MRPS28: variants seen among roughly 807,000 people sequenced by gnomAD.
The protein encoded by MRPS28 is mitochondrial ribosomal protein S28.
A neutral mutation model predicts 10.8 loss-of-function variants in MRPS28; 7 were observed. The ratio of observed to expected loss-of-function variants is 0.65; its 90% confidence interval spans 0.37 to 1.22. The LOEUF (loss-of-function observed/expected upper bound fraction) is 1.22, where lower values mean the gene tolerates loss of function less well. Ranked by LOEUF, MRPS28 falls within the 50% of genes most tolerant of loss-of-function variation. The probability of loss-of-function intolerance (pLI) is 0.02; values close to 1 mark genes in which losing one functional copy is unlikely to be tolerated. For missense variants in MRPS28, 265 were observed against 232.9 expected (o/e 1.14, Z -0.90); for synonymous variants, 121 against 93.3 (o/e 1.30, Z -1.71).
intron 1 of MRPS28, among the ~76,000 whole-genome samples, chr8:80,015,873 C>A (rs946224778): frequency 1.3e-5 from 2 of 151,504 alleles, no homozygotes; most frequent in Admixed American, 6.6e-5. Flanking sequence ...TGCTAGAGAT[C>A]GAAAGCCCTG....
At chr8:79,972,294 A>G (rs937151979) in intron 2 of MRPS28, among the ~76,000 whole-genome samples, 11 of 152,224 alleles carry the variant, frequency 7.2e-5, no homozygotes, top group Non-Finnish European at 1.3e-4. Flanking sequence ...AAGGGACTTC[A>G]GCAACCATGG....
intron 2 of MRPS28, among the ~76,000 whole-genome samples, chr8:79,984,610 G>T (rs975745532): frequency 6.6e-6 from 1 of 152,058 alleles, no homozygotes; most frequent in Non-Finnish European, 1.5e-5. Context: ...ACAAAAAAAG[G>T]CAGGGGTTGC....
chr8:79,927,637 C>T (rs1173940330), intron 2 of MRPS28, among the ~76,000 whole-genome samples: 3 of 152,184 alleles, frequency 2.0e-5, no homozygotes, highest in Non-Finnish European at 4.4e-5. Context: ...ATTAGACAGA[C>T]TATCCCCTCT....
In MRPS28 at chr8:80,000,906, G is replaced by A. The variant is rs565610546; in HGVS notation, c.395+2093C>T. 3.9e-5 allele frequency among the ~76,000 whole-genome samples: 6 copies of A among 152,214 alleles called. No individual in the cohort carries two copies. In the South Asian group the frequency reaches 1.2e-3, roughly 32 times the overall value. The stretch of plus-strand genomic sequence containing the variant: ...TCAAGAATATAACATAATCACAAAA[G>A]TGATGTTTTAAATTTTTAATTCAAT... On this transcript the variant is annotated intron_variant, in intron 2 of 2. Coordinates refer to ENST00000276585, the MANE Select transcript of MRPS28 (RefSeq NM_014018.3).
chr8:79,937,924 G>C (rs546985163), intron 2 of MRPS28, among the ~76,000 whole-genome samples: 26 of 152,294 alleles, frequency 1.7e-4, no homozygotes, highest in African/African-American at 6.3e-4. Context: ...CCTGGTTTGT[G>C]ATCTGGATTT....
chr8:79,920,755 G>A (rs2129838476), intron 2 of MRPS28, among the ~76,000 whole-genome samples: 1 of 152,222 alleles, frequency 6.6e-6, no homozygotes. Flanking sequence ...TCACTCTGAT[G>A]GTAGTTTCTT....
intron 1 of MRPS28, among the ~76,000 whole-genome samples, chr8:80,015,779 G>T (rs531917405): frequency 3.3e-5 from 5 of 152,128 alleles, no homozygotes; most frequent in Non-Finnish European, 7.4e-5. Context: ...GACACTAAGG[G>T]CTCTAACGGA....
chr8:79,919,147 T>A lies in MRPS28; in HGVS notation c.397A>T (p.Lys133Ter). The A allele has an allele frequency of 6.4e-7, 1 of 1,562,532 alleles. No individual in the cohort carries two copies. Among genetic ancestry groups the A allele is most frequent in the Admixed American group, 2.2e-5 (1 of 45,848 alleles). ...CGGACCCTGGTTCCTTTCTGGTATT[T>A]CCTAAATAGTTAAAAAAAAAAAAAT... is the stretch of plus-strand genomic sequence containing the variant. The part of the protein sequence containing the change: ...VCRRPEVDGE[K>*]YQKGTRVRLR... Residue 133 changes from lysine to a stop codon, truncating the protein, a stop_gained and splice_region_variant, in exon 3 of 3, where the codon AAA (lysine) becomes TAA (stop). Transcript: ENST00000276585. LOFTEE classifies it high-confidence loss of function.
intron 2 of MRPS28, among the ~76,000 whole-genome samples, chr8:79,943,038 C>A (rs1359203810): frequency 2.0e-5 from 3 of 152,030 alleles, no homozygotes; most frequent in Non-Finnish European, 4.4e-5. Context: ...ATTAAAAGAC[C>A]ACCCCCCAAC....
intron 2 of MRPS28, among the ~76,000 whole-genome samples, chr8:79,952,971 TCAG>T (rs972195829): frequency 6.6e-6 from 1 of 152,154 alleles, no homozygotes; most frequent in Non-Finnish European, 1.5e-5. Flanking sequence ...GAGATAACTT[TCAG>T]TAGTGAGAAA....
rs540947724 is a variant in MRPS28, at chr8:80,020,560, C to A, written c.213+9476G>T. The stretch of plus-strand genomic sequence containing the variant: ...AATTGAAAAGATTTTTATCAAGGAG[C>A]CTTTTTAAAGTATTTCTGATAGAAC... On this transcript the variant is annotated intron_variant, in intron 1 of 2. Coordinates refer to ENST00000276585, the MANE Select transcript of MRPS28 (RefSeq NM_014018.3). Among the ~76,000 whole-genome samples, 17 of 152,188 alleles carry A rather than the reference C, an allele frequency of 1.1e-4. No individual in the cohort carries two copies. The South Asian group carries it at 1.7e-3, about 15-fold the overall frequency.
intron 2 of MRPS28, among the ~76,000 whole-genome samples, chr8:79,987,560 G>T (rs1808226398): frequency 6.6e-6 from 1 of 152,062 alleles, no homozygotes. Flanking sequence ...AATCTACAAT[G>T]AACTCAAACA....
At chr8:79,985,694 T>A (rs2130098887) in intron 2 of MRPS28, among the ~76,000 whole-genome samples, 1 of 152,340 alleles carries the variant, frequency 6.6e-6, no homozygotes, top group East Asian at 1.9e-4. Flanking sequence ...GATAAATTCC[T>A]CGACACATAC....
chr8:79,957,527 C>G (rs1169624901), intron 2 of MRPS28: 1 of 126,410 alleles, frequency 7.9e-6, no homozygotes, highest in Non-Finnish European at 1.6e-5. Context: ...TTGAGCAACA[C>G]AGTGAGACCT....
At chr8:79,960,514 G>C (rs560562809) in intron 2 of MRPS28, among the ~76,000 whole-genome samples, 1 of 152,102 alleles carries the variant, frequency 6.6e-6, no homozygotes. Flanking sequence ...GTGAATGTGG[G>C]TGGGTGCATG....
At chr8:79,943,297 G>A (rs766323500) in intron 2 of MRPS28, among the ~76,000 whole-genome samples, 8 of 152,208 alleles carry the variant, frequency 5.3e-5, no homozygotes, top group Non-Finnish European at 1.0e-4. Flanking sequence ...TGTGACAATA[G>A]CTACAAGAGC....
chr8:80,004,700 G>A (rs1172446777), intron 1 of MRPS28, among the ~76,000 whole-genome samples: 1 of 152,136 alleles, frequency 6.6e-6, no homozygotes, highest in Non-Finnish European at 1.5e-5. Flanking sequence ...GCTAAAGAAG[G>A]AAGTCAGAAC....
At position 80,024,040 on chromosome 8, in the gene MRPS28, G is replaced by T. The variant is rs921196216; in HGVS notation, c.213+5996C>A. ...GCCCAGAAGTGCGAGAGCAGCCTGGGCAATATGGCAAAACCCCATCTCTAC... is the reference window on the plus strand; with the variant it reads ...GCCCAGAAGTGCGAGAGCAGCCTGGTCAATATGGCAAAACCCCATCTCTAC... On this transcript the variant is annotated intron_variant, in intron 1 of 2. Coordinates refer to ENST00000276585, the MANE Select transcript of MRPS28 (RefSeq NM_014018.3). Among the ~76,000 whole-genome samples, 16 of 152,108 alleles carry T rather than the reference G, an allele frequency of 1.1e-4. No homozygotes were observed. The East Asian group carries it at 1.2e-3, about 11-fold the overall frequency.
chr8:80,008,292 A>C (rs1004216650), intron 1 of MRPS28, among the ~76,000 whole-genome samples: 9 of 152,264 alleles, frequency 5.9e-5, no homozygotes, highest in Admixed American at 2.6e-4. Flanking sequence ...TTAAAGACTT[A>C]AATGTTAGAC....
Sources: allele counts gnomAD v4.1 joint callset (sites outside exome capture counted in the v4.1 genomes callset), GRCh38; gene constraint gnomAD v4.1.1; transcripts MANE v1.5; gene names NCBI Gene and HGNC (gene_info 2026-07-23, HGNC 2026-07-21).